TMPRSS15: variants seen among roughly 807,000 people sequenced by gnomAD.
TMPRSS15 encodes transmembrane serine protease 15.
In TMPRSS15, 128 loss-of-function variants were observed where a neutral mutation model predicts 125.3. The ratio of observed to expected loss-of-function variants is 1.02; its 90% CI spans 0.89 to 1.18. The LOEUF (loss-of-function observed/expected upper bound fraction) is 1.18, where lower values mean the gene tolerates loss of function less well. Ranked by LOEUF, TMPRSS15 falls within the 50% of genes most tolerant of loss-of-function variation. TMPRSS15 has a pLI of 0.00. For missense variants in TMPRSS15, 1,283 were observed against 1,212.7 expected (o/e 1.06, Z -0.86); for synonymous variants, 446 against 423.2 (o/e 1.05, Z -0.66).
At chr21:18,463,173 C>A (rs1978584232) in intron 1 of TMPRSS15, among the ~76,000 whole-genome samples, 1 of 142,244 alleles carries the variant, frequency 7.0e-6, no homozygotes, top group Non-Finnish European at 1.5e-5. Context: ...TTCAGGAGAC[C>A]CATTTCACGT....
At chr21:18,287,531 A>G (rs1327877078) in intron 21 of TMPRSS15, among the ~76,000 whole-genome samples, 3 of 152,200 alleles carry the variant, frequency 2.0e-5, no homozygotes. Context: ...TGATGAATTA[A>G]TTATCAAAGT....
intron 1 of TMPRSS15, among the ~76,000 whole-genome samples, chr21:18,451,001 T>A (rs528585349): frequency 7.4e-6 from 1 of 134,972 alleles, no homozygotes; most frequent in Admixed American, 7.4e-5. Context: ...CATTTTAAGA[T>A]AATCCACAAT....
intron 18 of TMPRSS15, among the ~76,000 whole-genome samples, chr21:18,308,094 A>T (rs2075056180): frequency 6.6e-6 from 1 of 152,204 alleles, no homozygotes; most frequent in Non-Finnish European, 1.5e-5. Context: ...TCTATACAGC[A>T]GCTCCTGAGC....
At chr21:18,306,939 G>T (rs2075045292) in intron 18 of TMPRSS15, among the ~76,000 whole-genome samples, 1 of 152,162 alleles carries the variant, frequency 6.6e-6, no homozygotes, top group Admixed American at 6.5e-5. Context: ...AAAGGCTAAT[G>T]AAATAGGCCT....
At chr21:18,441,370 G>A (rs1225246527) in intron 1 of TMPRSS15, among the ~76,000 whole-genome samples, 3 of 151,882 alleles carry the variant, frequency 2.0e-5, no homozygotes, top group African/African-American at 7.3e-5. Context: ...ACTTTGGGAG[G>A]CCGAGGCAGG....
At chr21:18,277,050 G>C (rs906600843) in intron 23 of TMPRSS15, among the ~76,000 whole-genome samples, 35 of 152,062 alleles carry the variant, frequency 2.3e-4, no homozygotes, top group Non-Finnish European at 4.3e-4. Flanking sequence ...ACAGGCATGA[G>C]CCACCGCACC....
At chr21:18,305,461 T>G (rs2075028003) in intron 18 of TMPRSS15, among the ~76,000 whole-genome samples, 1 of 152,166 alleles carries the variant, frequency 6.6e-6, no homozygotes, top group Non-Finnish European at 1.5e-5. Context: ...GTGCTGGGAT[T>G]ACAGGCGTGA....
chr21:18,367,488 C>T (rs1455237472), intron 6 of TMPRSS15, among the ~76,000 whole-genome samples: 1 of 151,902 alleles, frequency 6.6e-6, no homozygotes, highest in Admixed American at 6.6e-5. Flanking sequence ...ATTCAAAGAC[C>T]ATAAAAACAA....
At chr21:18,373,928 G>T (rs537391223) in intron 5 of TMPRSS15, among the ~76,000 whole-genome samples, 1 of 152,302 alleles carries the variant, frequency 6.6e-6, no homozygotes, top group Non-Finnish European at 1.5e-5. Context: ...AAAAGAATGA[G>T]TAAGGCAGAG....
Position 18,332,087 on chromosome 21 carries a change from A to G in TMPRSS15, c.1651T>C (p.Phe551Leu). Residue 551 changes from phenylalanine (F) to leucine (L), a missense_variant, in exon 14 of 25, where the codon TTC (phenylalanine) becomes CTC (leucine). By Grantham distance (22) the Phe-to-Leu change is conservative. Coordinates refer to ENST00000284885, the MANE Select transcript of TMPRSS15 (RefSeq NM_002772.3). ...NFPNSYPNLAFCVWILNAQKG... is the reference protein window; with the variant it reads ...NFPNSYPNLALCVWILNAQKG... ...ACCTGGAAAAGAAATGACTCACAGAAAGCCAGATTAGGGTAGCTGTTTGGA... is the reference window on the plus strand; with the variant it reads ...ACCTGGAAAAGAAATGACTCACAGAGAGCCAGATTAGGGTAGCTGTTTGGA... The G allele has an allele frequency of 6.2e-7, 1 of 1,613,828 alleles. No homozygotes were observed.
chr21:18,297,844 A>G lies in TMPRSS15; in HGVS notation c.2166-15T>C, dbSNP rs778416430. 3.8e-6 allele frequency: 6 copies of G among 1,572,840 alleles called. No homozygotes were observed. The highest frequency in any genetic ancestry group is 5.3e-6 in the Non-Finnish European group (6 of 1,142,792). On this transcript the variant is annotated splice_polypyrimidine_tract_variant and intron_variant, in intron 18 of 24. Coordinates refer to ENST00000284885, the MANE Select transcript of TMPRSS15 (RefSeq NM_002772.3). ...AGTTTCCACTCCTAGAGAAAAAAGA[A>G]AAAAGCATACAGACAAAACAAAAGC...
rs113481913 is a variant in TMPRSS15 at position 18,474,659 on chromosome 21, G to T, written c.10+11140C>A. On this transcript the variant is annotated intron_variant, in intron 1 of 7. Coordinates refer to the TMPRSS15 transcript ENST00000422787. ...AGGTGGCTGTTATGATCAACAAAGA[G>T]AATTCTTCAAAGAAGCTAGTAAGAG... Among the ~76,000 whole-genome samples the T allele has an allele frequency of 4.4e-3, 666 of 152,252 alleles. 9 individuals carry two copies. Among genetic ancestry groups the T allele is most frequent in the African/African-American group, 0.015 (642 of 41,550 alleles).
At chr21:18,473,589 T>C (rs115726299) in intron 1 of TMPRSS15, among the ~76,000 whole-genome samples, 1,868 of 152,174 alleles carry the variant, frequency 0.012, 33 homozygotes, top group African/African-American at 0.042. Context: ...ATTCACAGGG[T>C]TACCTGTTTT....
intron 1 of TMPRSS15, among the ~76,000 whole-genome samples, chr21:18,475,549 G>A (rs1242958521): frequency 2.0e-5 from 3 of 152,106 alleles, no homozygotes; most frequent in Non-Finnish European, 2.9e-5. Context: ...CCATGATAGT[G>A]CCACTGCACT....
intron 1 of TMPRSS15, among the ~76,000 whole-genome samples, chr21:18,428,320 T>A (rs1601459493): frequency 2.0e-5 from 3 of 152,154 alleles, no homozygotes; most frequent in East Asian, 3.9e-4. Flanking sequence ...ATTTGCAGGC[T>A]GACAATTTGA....
chr21:18,396,407 C>G (rs910719369), intron 3 of TMPRSS15, among the ~76,000 whole-genome samples: 2 of 152,114 alleles, frequency 1.3e-5, no homozygotes, highest in African/African-American at 4.8e-5. Flanking sequence ...TTTTTCCAAG[C>G]CTCGGTGTCG....
intron 1 of TMPRSS15, among the ~76,000 whole-genome samples, chr21:18,434,468 T>G (rs1170189306): frequency 5.3e-5 from 8 of 152,258 alleles, no homozygotes; most frequent in African/African-American, 1.7e-4. Flanking sequence ...CTAGGTAATT[T>G]AATATCCATT....
chr21:18,365,596 TTCC>T (rs1300563044), intron 6 of TMPRSS15, among the ~76,000 whole-genome samples: 2 of 125,804 alleles, frequency 1.6e-5, no homozygotes, highest in Non-Finnish European at 3.3e-5. Context: ...CCTTCCTTCC[TTCC>T]TTCTTTCCTT....
rs528622467 is a variant in TMPRSS15 at position 18,359,863 on chromosome 21, A to C, written c.774T>G (p.Arg258=). 1 of 1,447,540 alleles carries C rather than the reference A, an allele frequency of 6.9e-7. No homozygotes were observed. Among genetic ancestry groups the C allele is most frequent in the Non-Finnish European group, 9.7e-7 (1 of 1,031,066 alleles). 89.7% of individuals were successfully genotyped at this position (1,447,540 alleles called of 1,614,324 possible). A position where few individuals can be genotyped will look rare whatever the true frequency, so the allele number is the denominator to read the frequency against. Residue 258 remains arginine, a splice_region_variant and synonymous_variant, in exon 8 of 25, where the codon CGT becomes CGG. Coordinates refer to ENST00000284885, the MANE Select transcript of TMPRSS15 (RefSeq NM_002772.3). ...GTTTAATGGAAAGTCCTTGGTTTAC[A>C]CTAAATTAAAAGCAAAAAATAGATT... ...ETSVVCQWII[R]VNQGLSIKLS...
Sources: allele counts gnomAD v4.1 joint callset (sites outside exome capture counted in the v4.1 genomes callset), GRCh38; gene constraint gnomAD v4.1.1; transcripts MANE v1.5; gene names NCBI Gene and HGNC (gene_info 2026-07-23, HGNC 2026-07-21).